The following MTUS2 variants were observed in gnomAD, a reference collection of about 807,000 sequenced individuals.
MTUS2 encodes the protein microtubule associated scaffold protein 2, also known as microtubule-associated tumor suppressor candidate 2.
MTUS2 carries 40 observed loss-of-function variants against 114.1 expected under a neutral mutation model. The ratio of observed to expected loss-of-function variants is 0.35; its 90% CI spans 0.27 to 0.46. The LOEUF is 0.46. MTUS2 is among the 20% of genes least tolerant of loss of function. The pLI is 1.00. For synonymous variants in MTUS2, 688 were observed against 672.0 expected, an observed-to-expected ratio of 1.02 and a Z score of -0.37; for missense variants, 1,679 against 1,705.4, an observed-to-expected ratio of 0.98 and a Z score of 0.27.
intron 5 of MTUS2, among the ~76,000 whole-genome samples, chr13:29,186,945 CAAT>C (rs1894250354): frequency 6.6e-6 from 1 of 151,830 alleles, no homozygotes; most frequent in South Asian, 2.1e-4. Context: ...AATTAGGAAT[CAAT>C]AAGTGAAAGA....
intron 6 of MTUS2, chr13:29,307,328 C>T: frequency 1.4e-6 from 1 of 690,864 alleles, no homozygotes; most frequent in Non-Finnish European, 2.7e-6. Flanking sequence ...GTCCCTGCCA[C>T]CCAGAAGACT....
intron 4 of MTUS2, among the ~76,000 whole-genome samples, chr13:29,084,662 C>T (rs35989418): frequency 6.6e-6 from 1 of 151,872 alleles, no homozygotes; most frequent in Non-Finnish European, 1.5e-5. Flanking sequence ...TTCAGCCTCC[C>T]TAGGAGCTGG....
chr13:29,432,345 C>G lies in MTUS2; in HGVS notation c.3118-7638C>G, dbSNP rs192726079. ...AGGATGAAGCCAGGAGCTCTACATGCACAGAAACTCCTTATCCATAACCTT... is the reference window on the plus strand; with the variant it reads ...AGGATGAAGCCAGGAGCTCTACATGGACAGAAACTCCTTATCCATAACCTT... On this transcript the variant is annotated intron_variant, in intron 8 of 15. Transcript: ENST00000612955. Among the ~76,000 whole-genome samples the G allele has an allele frequency of 2.0e-3, 300 of 152,232 alleles. 1 individual carries two copies. Among genetic ancestry groups the G allele is most frequent in the Middle Eastern group, 3.4e-3 (1 of 294 alleles).
chr13:28,911,086 AGGATGG>A (rs1330995565), intron 2 of MTUS2, among the ~76,000 whole-genome samples: 2 of 150,368 alleles, frequency 1.3e-5, no homozygotes, highest in Non-Finnish European at 3.0e-5. Flanking sequence ...CGTGTTATCC[AGGATGG>A]TCTTGATCTC....
intron 5 of MTUS2, among the ~76,000 whole-genome samples, chr13:29,258,815 G>T (rs186440848): frequency 6.6e-6 from 1 of 152,242 alleles, no homozygotes; most frequent in Admixed American, 6.5e-5. Flanking sequence ...TACAGCCTTG[G>T]TGTCTCACTG....
intron 2 of MTUS2, among the ~76,000 whole-genome samples, chr13:28,841,676 G>GT (rs140099375): frequency 1.5e-4 from 23 of 149,898 alleles, no homozygotes; most frequent in East Asian, 3.9e-4. Flanking sequence ...GTGTGTGTGT[G>GT]TTTTTTTTTG....
chr13:28,879,368 T>C (rs916495778), intron 2 of MTUS2, among the ~76,000 whole-genome samples: 2 of 152,166 alleles, frequency 1.3e-5, no homozygotes, highest in African/African-American at 2.4e-5. Context: ...TCCTCAATCA[T>C]TTATGAAACC....
chr13:29,389,480 C>CGTGT, intron 8 of MTUS2, among the ~76,000 whole-genome samples: 2 of 116,344 alleles, frequency 1.7e-5, no homozygotes, highest in African/African-American at 6.7e-5. Context: ...TATGTATACA[C>CGTGT]GTGTGTGTAT....
At chr13:29,206,885 A>G (rs775410317) in intron 5 of MTUS2, among the ~76,000 whole-genome samples, 2 of 152,124 alleles carry the variant, frequency 1.3e-5, no homozygotes, top group African/African-American at 4.8e-5. Context: ...TGCTTTGGCT[A>G]TATGGACTCT....
rs535053514 is a variant in MTUS2, at chr13:29,073,169, G to C, written c.2447-27604G>C. Among the ~76,000 whole-genome samples the C allele has an allele frequency of 2.0e-5, 3 of 152,236 alleles. No homozygotes were observed. In the South Asian group the frequency reaches 6.2e-4, roughly 32 times the overall value. ...CGACCCAAACAGAAGTGCAAATGCA[G>C]ACACTCAGGTCTTTGGATTATTCTA... On this transcript the variant is annotated intron_variant, in intron 4 of 15. Transcript: ENST00000612955.
At chr13:29,172,082 C>T (rs770325451) in intron 5 of MTUS2, among the ~76,000 whole-genome samples, 7 of 152,226 alleles carry the variant, frequency 4.6e-5, no homozygotes, top group Admixed American at 6.5e-5. Context: ...CCAGCTGTCT[C>T]CGCTGTGAAG....
intron 2 of MTUS2, among the ~76,000 whole-genome samples, chr13:28,982,700 A>G (rs1884414235): frequency 6.6e-6 from 1 of 152,250 alleles, no homozygotes; most frequent in South Asian, 2.1e-4. Flanking sequence ...AGCCTTGGGA[A>G]GGAAATTCTG....
chr13:29,314,345 G>A (rs867466515), intron 6 of MTUS2, among the ~76,000 whole-genome samples: 3 of 152,120 alleles, frequency 2.0e-5, no homozygotes, highest in South Asian at 2.1e-4. Flanking sequence ...ATAGAAAACT[G>A]AGCAAACAAA....
At chr13:29,140,305 ATCT>A (rs1892165068) in intron 5 of MTUS2, among the ~76,000 whole-genome samples, 1 of 152,166 alleles carries the variant, frequency 6.6e-6, no homozygotes, top group Admixed American at 6.5e-5. Flanking sequence ...TGGGAAGGTG[ATCT>A]TCTCACAGGG....
rs115258039 is a variant in MTUS2, at chr13:29,247,697, G to A, written c.2645-34007G>A. 6.7e-3 allele frequency among the ~76,000 whole-genome samples: 1,026 copies of A among 152,232 alleles called. 9 individuals are homozygous for A. The highest frequency in any genetic ancestry group is 0.024 in the African/African-American group (988 of 41,530). On this transcript the variant is annotated intron_variant, in intron 5 of 15. Coordinates refer to ENST00000612955, the MANE Select transcript of MTUS2 (RefSeq NM_001033602.4). ...GGGAAATGCAAATCAAAACTACAAT[G>A]TGATACCGCCATACTCCTGCAAGAA...
chr13:29,093,575 A>G (rs540140691), intron 4 of MTUS2, among the ~76,000 whole-genome samples: 254 of 152,370 alleles, frequency 1.7e-3, no homozygotes, highest in African/African-American at 5.8e-3. Flanking sequence ...GTGAATGTGT[A>G]GAAATACAGT....
At chr13:29,347,885 A>T (rs1868864055) in intron 7 of MTUS2, among the ~76,000 whole-genome samples, 1 of 149,784 alleles carries the variant, frequency 6.7e-6, no homozygotes, top group South Asian at 2.2e-4. Context: ...TTACCAGTTT[A>T]TTATAAAAGA....
chr13:29,006,555 C>T (rs1885608063), intron 2 of MTUS2, among the ~76,000 whole-genome samples: 1 of 152,156 alleles, frequency 6.6e-6, no homozygotes, highest in African/African-American at 2.4e-5. Flanking sequence ...CACAGGATGA[C>T]AGAACCATGA....
intron 8 of MTUS2, among the ~76,000 whole-genome samples, chr13:29,410,308 G>A (rs1566185625): frequency 6.6e-6 from 1 of 152,022 alleles, no homozygotes; most frequent in Non-Finnish European, 1.5e-5. Flanking sequence ...TGTATTTTTA[G>A]TAGAGATGGG....
Sources: allele counts gnomAD v4.1 joint callset (sites outside exome capture counted in the v4.1 genomes callset), GRCh38; gene constraint gnomAD v4.1.1; transcripts MANE v1.5; gene names NCBI Gene and HGNC (gene_info 2026-07-23, HGNC 2026-07-21).